Variants in BCAS3 observed in about 807,000 individuals in gnomAD.
BCAS3 encodes BCAS4/BCAS3 fusion.
BCAS3 carries 53 observed loss-of-function variants against 116.1 expected under a neutral mutation model. The observed-to-expected ratio is 0.46, with a 90% CI of 0.37 to 0.57. The LOEUF is 0.57. Ranked by LOEUF, BCAS3 falls within the 20% of genes least tolerant of loss-of-function variation. The pLI is 0.00. For missense variants in BCAS3, 917 were observed against 1,165.4 expected, an observed-to-expected ratio of 0.79 and a Z score of 3.10; for synonymous variants, 391 against 408.2, an observed-to-expected ratio of 0.96 and a Z score of 0.51.
rs954634774 is a variant in BCAS3, at chr17:61,265,819, C to G, written c.2426-102508C>G. On this transcript the variant is annotated intron_variant, in intron 22 of 23. Coordinates refer to ENST00000407086, the MANE Select transcript of BCAS3 (RefSeq NM_017679.5). This position sits in a 1 kb window ranked among gnomAD's most constrained non-coding sequence, Gnocchi z 4.3. Reference sequence around the variant, plus strand: ...TGTTCTAAAAAAAAAATCTTTGACTCCACCATTTTTATAATAAACACTTGC... The same window carrying G: ...TGTTCTAAAAAAAAAATCTTTGACTGCACCATTTTTATAATAAACACTTGC... Among the ~76,000 whole-genome samples, 1 of 152,072 alleles carries G rather than the reference C, an allele frequency of 6.6e-6. No individual in the cohort carries two copies. Among genetic ancestry groups the G allele is most frequent in the African/African-American group, 2.4e-5 (1 of 41,408 alleles).
intron 23 of BCAS3, among the ~76,000 whole-genome samples, chr17:61,374,812 A>G (rs1353652464): frequency 1.3e-5 from 2 of 152,160 alleles, no homozygotes; most frequent in Admixed American, 6.5e-5. Context: ...CTTTTCTTCT[A>G]TTATTCTAAG....
Position 60,910,599 on chromosome 17 carries a change from G to C in BCAS3, c.890G>C (p.Gly297Ala). 1 of 1,613,396 alleles carries C rather than the reference G, an allele frequency of 6.2e-7. No individual in the cohort carries two copies. Among genetic ancestry groups the C allele is most frequent in the Non-Finnish European group, 8.5e-7 (1 of 1,179,692 alleles). Residue 297 changes from glycine (G) to alanine (A), a missense_variant, in exon 12 of 24, where the codon GGT becomes GCT. This residue lies in a region of BCAS3 where 807 missense variants were observed against 1,026.0 expected (regional missense o/e 0.79). Coordinates refer to ENST00000407086, the MANE Select transcript of BCAS3 (RefSeq NM_017679.5). ...VTQLTGTLPS[G>A]VTEDDVAIHS... ...CAGCTGACAGGCACACTGCCTTCAGGTGTGACAGAAGATGATGTTGCCATC... is the reference window on the plus strand; with the variant it reads ...CAGCTGACAGGCACACTGCCTTCAGCTGTGACAGAAGATGATGTTGCCATC...
intron 22 of BCAS3, among the ~76,000 whole-genome samples, chr17:61,299,007 G>A (rs2144733403): frequency 6.6e-6 from 1 of 151,898 alleles, no homozygotes; most frequent in African/African-American, 2.4e-5. Context: ...ATTTTTAGTA[G>A]AGATGAGATT....
chr17:61,154,245 A>G lies in BCAS3; in HGVS notation c.2425+69681A>G, dbSNP rs556930971. ...AGGAGGAGAGAAGAAAACTCATGTA[A>G]TACAGCCAAGATTGTGAACTGAGAG... On this transcript the variant is annotated intron_variant, in intron 22 of 23. Transcript: ENST00000407086. 1.1e-3 allele frequency among the ~76,000 whole-genome samples: 162 copies of G among 152,316 alleles called. 1 individual carries two copies. The highest frequency in any genetic ancestry group is 3.7e-3 in the African/African-American group (155 of 41,552).
chr17:60,996,048 A>G lies in BCAS3; in HGVS notation c.1486+5813A>G, dbSNP rs142118082. On this transcript the variant is annotated intron_variant, in intron 15 of 23. Transcript: ENST00000407086. ...CTGGCATGTTCAAGGAATGATAAAG[A>G]GACCAGTGTGGCTGAAGCACATGGT... is the stretch of plus-strand genomic sequence containing the variant. Among the ~76,000 whole-genome samples the G allele has an allele frequency of 2.6e-5, 4 of 152,294 alleles. No homozygotes were observed. In the East Asian group the frequency reaches 5.8e-4, roughly 22 times the overall value.
intron 6 of BCAS3, among the ~76,000 whole-genome samples, chr17:60,779,370 CTT>C (rs374528469): frequency 1.8e-4 from 25 of 140,800 alleles, no homozygotes; most frequent in Non-Finnish European, 2.2e-4. Context: ...TATTTTCTTT[CTT>C]TTTTTTTTTT....
At chr17:61,341,129 G>A (rs1412514843) in intron 22 of BCAS3, among the ~76,000 whole-genome samples, 3 of 152,172 alleles carry the variant, frequency 2.0e-5, no homozygotes, top group African/African-American at 4.8e-5. Flanking sequence ...TAAGGAATAG[G>A]GAGTGTGAGT....
At position 61,013,474 on chromosome 17, in the gene BCAS3, T is replaced by C. The variant is rs971088028; in HGVS notation, c.1487-2277T>C. Among the ~76,000 whole-genome samples the C allele has an allele frequency of 2.6e-5, 4 of 152,102 alleles. No individual in the cohort carries two copies. Among genetic ancestry groups the C allele is most frequent in the Non-Finnish European group, 5.9e-5 (4 of 67,974 alleles). ...CCTTGAGAGTGTGATAATAAATTAC[T>C]TCGAATGGCTTAACTATGAAGCAGT... On this transcript the variant is annotated intron_variant, in intron 15 of 23. Transcript: ENST00000407086. The surrounding 1 kb of genome is among the most constrained non-coding windows in gnomAD (Gnocchi z 4.4).
intron 7 of BCAS3, among the ~76,000 whole-genome samples, chr17:60,844,910 G>A (rs940482567): frequency 2.0e-5 from 3 of 152,144 alleles, no homozygotes; most frequent in Non-Finnish European, 2.9e-5. Flanking sequence ...GTCTGAAAGG[G>A]GAGAATGTAA....
At chr17:60,754,103 A>G (rs983043878) in intron 6 of BCAS3, among the ~76,000 whole-genome samples, 4 of 151,932 alleles carry the variant, frequency 2.6e-5, no homozygotes, top group Non-Finnish European at 5.9e-5. Flanking sequence ...TGGCACAATC[A>G]TGGCTCACTG....
rs1281099712 is a variant in BCAS3 at position 60,993,356 on chromosome 17, GTC to G, written c.1486+3127_1486+3128del. Among the ~76,000 whole-genome samples, 1 of 152,020 alleles carries G rather than the reference GTC, an allele frequency of 6.6e-6. No homozygotes were observed. The highest frequency in any genetic ancestry group is 6.6e-5 in the Admixed American group (1 of 15,250). On this transcript the variant is annotated intron_variant, in intron 15 of 23. Coordinates refer to ENST00000407086, the MANE Select transcript of BCAS3 (RefSeq NM_017679.5). This position sits in a 1 kb window ranked among gnomAD's most constrained non-coding sequence, Gnocchi z 4.2. ...TTTCTCTCAGCTTTATTGCTTTCATGTCTCTCTGCATGTTTTTTTCAGAAATC... is the reference window on the plus strand; with the variant it reads ...TTTCTCTCAGCTTTATTGCTTTCATGTCTCTGCATGTTTTTTTCAGAAATC...
chr17:61,287,653 G>A (rs1423376739), intron 22 of BCAS3, among the ~76,000 whole-genome samples: 1 of 152,094 alleles, frequency 6.6e-6, no homozygotes, highest in Non-Finnish European at 1.5e-5. Flanking sequence ...TTGAGCCCAG[G>A]AGGTGGCGGC....
chr17:60,902,814 A>C lies in BCAS3; in HGVS notation c.822+111A>C, dbSNP rs569303072. ...TGATTGTAGTGCTTGTACTTATCCA[A>C]TTTTAAAGATTTTAAGTCTGTTAAC... is the stretch of plus-strand genomic sequence containing the variant. On this transcript the variant is annotated intron_variant, in intron 11 of 23. Transcript: ENST00000407086. The C allele has an allele frequency of 2.5e-5, 20 of 807,846 alleles. No homozygotes were observed. In the African/African-American group the frequency reaches 3.4e-4, roughly 14 times the overall value. The allele number at this position is 807,846 out of a possible 1,614,324, so 50.0% of individuals were successfully genotyped here.
At chr17:61,238,041 C>A (rs1274252958) in intron 22 of BCAS3, among the ~76,000 whole-genome samples, 1 of 151,998 alleles carries the variant, frequency 6.6e-6, no homozygotes, top group East Asian at 1.9e-4. Flanking sequence ...TTTGTATGAA[C>A]AAGAGTTTTG....
intron 12 of BCAS3, among the ~76,000 whole-genome samples, chr17:60,922,567 C>T (rs2059161382): frequency 6.6e-6 from 1 of 152,082 alleles, no homozygotes; most frequent in Non-Finnish European, 1.5e-5. Context: ...GATAGAACAA[C>T]TAGATAGAAA....
intron 3 of BCAS3, among the ~76,000 whole-genome samples, chr17:60,686,953 A>T (rs941988402): frequency 6.6e-6 from 1 of 152,228 alleles, no homozygotes; most frequent in Non-Finnish European, 1.5e-5. Context: ...TAATAAGCAA[A>T]TGATGATATA....
chr17:60,939,300 A>G (rs1323174327), intron 13 of BCAS3, among the ~76,000 whole-genome samples: 1 of 151,992 alleles, frequency 6.6e-6, no homozygotes, highest in Non-Finnish European at 1.5e-5. Context: ...AGGTGTGGTG[A>G]CAAACCCCTG....
At chr17:61,245,962 C>T (rs1016262300) in intron 22 of BCAS3, among the ~76,000 whole-genome samples, 12 of 152,240 alleles carry the variant, frequency 7.9e-5, no homozygotes, top group African/African-American at 2.6e-4. Flanking sequence ...CCTCCCCTAA[C>T]GTGAATAAAA....
intron 7 of BCAS3, among the ~76,000 whole-genome samples, chr17:60,820,771 A>G (rs887914166): frequency 1.6e-4 from 25 of 152,134 alleles, no homozygotes; most frequent in African/African-American, 5.8e-4. Flanking sequence ...ATGGACAAAG[A>G]CCAGGGAGTA....
Sources: allele counts gnomAD v4.1 joint callset (sites outside exome capture counted in the v4.1 genomes callset), GRCh38; gene constraint gnomAD v4.1.1; regional missense constraint gnomAD v4.1.1; non-coding constraint Gnocchi (gnomAD v3.1); transcripts MANE v1.5; gene names NCBI Gene and HGNC (gene_info 2026-07-23, HGNC 2026-07-21).